YBX3: variants seen among roughly 807,000 people sequenced by gnomAD.
YBX3 encodes the protein Y-box-binding protein 3.
YBX3 carries 29 observed loss-of-function variants against 42.4 expected under a neutral mutation model. That is an observed-to-expected ratio of 0.68 (90% CI 0.51 to 0.93). YBX3 has a LOEUF of 0.93. Ranked by LOEUF, YBX3 falls within the 40% of genes least tolerant of loss-of-function variation. The pLI, the probability that YBX3 is intolerant of heterozygous loss-of-function variation, is 0.00. For missense variants in YBX3, 517 were observed against 527.5 expected, an observed-to-expected ratio of 0.98 and a Z score of 0.19; for synonymous variants, 195 against 189.8, an observed-to-expected ratio of 1.03 and a Z score of -0.22.
At chr12:10,718,175 TAAA>T in intron 2 of YBX3, 54 bp from the exon 3 acceptor site, 1 of 1,531,840 alleles carries the variant, frequency 6.5e-7, no homozygotes, top group Non-Finnish European at 8.9e-7. Context: ...TGGAAAAACT[TAAA>T]AGAACCTATG....
chr12:10,705,612 G>A (rs917529991), intron 6 of YBX3, among the ~76,000 whole-genome samples: 1 of 152,124 alleles, frequency 6.6e-6, no homozygotes, highest in Non-Finnish European at 1.5e-5. Flanking sequence ...AAGTGGTTAA[G>A]GTGGTATCTG....
rs1423232303 is a variant in YBX3, at chr12:10,702,151, A to G, written c.879-17T>C. The G allele has an allele frequency of 6.2e-7, 1 of 1,607,658 alleles. No homozygotes were observed. ...GGTCCCCTGCTGTAGGGAACACAGA[A>G]GAAAATAGAACAGGTGCCAACAGGA... On this transcript the variant is annotated splice_polypyrimidine_tract_variant and intron_variant, in intron 7 of 9. Coordinates refer to ENST00000228251, the MANE Select transcript of YBX3 (RefSeq NM_003651.5).
rs1948351959 is a variant in YBX3, at chr12:10,723,031, G to A, written c.81C>T (p.Pro27=). Residue 27 remains proline, a synonymous_variant, in exon 1 of 10, where the codon CCC becomes CCT. Transcript: ENST00000228251. ...CCGGGCTCTTGGGCGCGGGGTCCTG[G>A]GGAGCCGCGGCGGCCGCCTCCGTCG... The part of the protein sequence containing the change: ...QAPTEAAAAA[P]QDPAPKSPVG... The A allele has an allele frequency of 4.1e-6, 5 of 1,206,180 alleles. No homozygotes were observed. Among genetic ancestry groups the A allele is most frequent in the Non-Finnish European group, 5.1e-6 (5 of 973,238 alleles). The allele number at this position is 1,206,180 out of a possible 1,614,324, so 74.7% of individuals were successfully genotyped here. A position where few individuals can be genotyped will look rare whatever the true frequency, so the allele number is the denominator to read the frequency against.
At chr12:10,722,786 G>C (rs1168826467) in intron 1 of YBX3, 64 bp downstream of exon 1, 1 of 1,315,228 alleles carries the variant, frequency 7.6e-7, no homozygotes, top group East Asian at 2.9e-5. Context: ...CTGCCCACAC[G>C]TGCTCCGCGG....
intron 5 of YBX3, chr12:10,711,611 G>A (rs1326299917): frequency 1.3e-5 from 2 of 152,150 alleles, no homozygotes; most frequent in African/African-American, 4.8e-5. Flanking sequence ...AAATCTTTAA[G>A]AGTTTTACAA....
chr12:10,708,400 C>T (rs1408439451), intron 6 of YBX3, among the ~76,000 whole-genome samples: 1 of 151,884 alleles, frequency 6.6e-6, no homozygotes, highest in Non-Finnish European at 1.5e-5. Flanking sequence ...TATTTGATCT[C>T]AATAATTTTT....
At chr12:10,709,417 T>C (rs1948172915) in intron 6 of YBX3, among the ~76,000 whole-genome samples, 1 of 152,226 alleles carries the variant, frequency 6.6e-6, no homozygotes, top group Non-Finnish European at 1.5e-5. Context: ...TTAAAACCAA[T>C]ACTTTAAAAA....
intron 3 of YBX3, 134 bp downstream of exon 3, chr12:10,717,954 C>T: frequency 1.5e-6 from 1 of 651,240 alleles, no homozygotes; most frequent in Non-Finnish European, 2.4e-6. Flanking sequence ...AACTGAACTC[C>T]TGTTGCAAAA....
intron 7 of YBX3, chr12:10,703,471 G>T: frequency 3.3e-6 from 1 of 301,608 alleles, no homozygotes; most frequent in Non-Finnish European, 6.6e-6. Context: ...AATACATAGT[G>T]AGGCCTTTAC....
At chr12:10,721,511 T>C (rs1048436365) in intron 1 of YBX3, among the ~76,000 whole-genome samples, 2 of 152,134 alleles carry the variant, frequency 1.3e-5, no homozygotes, top group Admixed American at 6.5e-5. Flanking sequence ...AGAAACAACA[T>C]CACAATGTAC....
chr12:10,710,097 C>T lies in YBX3; in HGVS notation c.591G>A (p.Glu197=), dbSNP rs1948183723. The T allele has an allele frequency of 6.2e-7, 1 of 1,613,502 alleles. No homozygotes were observed. The highest frequency in any genetic ancestry group is 1.3e-5 in the African/African-American group (1 of 74,916). The stretch of plus-strand genomic sequence containing the variant: ...CTTCACTGCTGCCGCTCCCTTCCTC[C>T]TCCTCCTCCCCAGCGTACTAGCGAA... The part of the protein sequence containing the change: ...GPPRNYAGEE[E]EEGSGSSEGF... The change falls in exon 6 of 10, where the codon GAG becomes GAA. Residue 197 remains glutamate, a synonymous_variant. Transcript: ENST00000228251.
chr12:10,712,950 T>A, intron 5 of YBX3: 1 of 429,660 alleles, frequency 2.3e-6, no homozygotes, highest in Non-Finnish European at 4.1e-6. Context: ...GCTCCAGTGA[T>A]GGGTGCACCA....
chr12:10,715,824 A>G, intron 3 of YBX3, 41 bp from the exon 4 acceptor site: 4 of 1,532,958 alleles, frequency 2.6e-6, no homozygotes, highest in African/African-American at 2.7e-5. Context: ...GTATATTTCA[A>G]TATTGGCCAC....
At position 10,722,850 on chromosome 12, in the gene YBX3, C is replaced by A. The variant is rs960962402; in HGVS notation, c.262G>T (p.Ala88Ser). The A allele has an allele frequency of 6.7e-7, 1 of 1,492,018 alleles. No individual in the cohort carries two copies. The highest frequency in any genetic ancestry group is 8.9e-7 in the Non-Finnish European group (1 of 1,120,888). 92.4% of individuals were successfully genotyped at this position (1,492,018 alleles called of 1,614,324 possible). A position where few individuals can be genotyped will look rare whatever the true frequency, so the allele number is the denominator to read the frequency against. The change falls in exon 1 of 10, where the codon GCC (alanine) becomes TCC (serine). Residue 88 changes from alanine to serine, a missense_variant and splice_region_variant. Around this residue, in one of 3 missense-constraint regions of YBX3, gnomAD observed 420 missense variants for 408.5 expected, o/e 1.03. Coordinates refer to ENST00000228251, the MANE Select transcript of YBX3 (RefSeq NM_003651.5). Reference protein sequence around the residue: ...GSEDAEKKVLATKVLGTVKWF... With the variant: ...GSEDAEKKVLSTKVLGTVKWF... Reference sequence around the variant, plus strand: ...CCCTGCCCTCCCTGGCCTGACTCACCGAGAACTTTTTTCTCCGCGTCTTCG... The same window carrying A: ...CCCTGCCCTCCCTGGCCTGACTCACAGAGAACTTTTTTCTCCGCGTCTTCG...
In YBX3 at chr12:10,699,504, T is replaced by C. The variant is rs554215775; in HGVS notation, c.*185A>G. 6.5e-6 allele frequency: 1 copy of C among 152,778 alleles called. No individual in the cohort carries two copies. Among genetic ancestry groups the C allele is most frequent in the African/African-American group, 2.4e-5 (1 of 41,580 alleles). 9.5% of individuals were successfully genotyped at this position (152,778 alleles called of 1,614,324 possible). A position where few individuals can be genotyped will look rare whatever the true frequency, so the allele number is the denominator to read the frequency against. On this transcript the variant is annotated 3_prime_UTR_variant, in exon 10 of 10. Transcript: ENST00000228251. ...AAAATTTGTTGACATTTTCTTTTTG[T>C]AGTTGTTTCTTAAAGAATAACAGTA...
chr12:10,701,974 G>A lies in YBX3; in HGVS notation c.1039C>T (p.Gln347Ter). 1 of 1,612,624 alleles carries A rather than the reference G, an allele frequency of 6.2e-7. No individual in the cohort carries two copies. Among genetic ancestry groups the A allele is most frequent in the Non-Finnish European group, 8.5e-7 (1 of 1,179,452 alleles). Residue 347 changes from glutamine (Q) to a stop codon, truncating the protein, a stop_gained, in exon 8 of 10, where the codon CAA becomes TAA. Transcript: ENST00000228251. LOFTEE classifies it high-confidence loss of function. ...RRPRPPNAPS[Q>*]DGKEAKAGEA... ...GTTGGATTTACCTCTTTGCCATCTT[G>A]TGAAGGAGCGTTAGGAGGACGCGGG...
intron 1 of YBX3, among the ~76,000 whole-genome samples, chr12:10,719,869 G>T (rs1239902266): frequency 3.9e-5 from 6 of 152,146 alleles, no homozygotes; most frequent in Admixed American, 1.3e-4. Context: ...TCTACCTCAT[G>T]AGCAGGACCA....
chr12:10,719,041 G>A, intron 2 of YBX3, 39 bp downstream of exon 2: 1 of 1,581,154 alleles, frequency 6.3e-7, no homozygotes, highest in Non-Finnish European at 8.7e-7. Flanking sequence ...CACAATGTAA[G>A]TATAAACTTA....
intron 3 of YBX3, chr12:10,716,057 C>T (rs1948258573): frequency 2.4e-6 from 1 of 409,850 alleles, no homozygotes; most frequent in Admixed American, 4.0e-5. Context: ...AGTGACTACA[C>T]ACTACTGTTA....
Sources: gnomAD v4.1 joint callset for allele counts (sites outside exome capture counted in the v4.1 genomes callset) on GRCh38, gnomAD v4.1.1 for gene constraint, gnomAD v4.1.1 regional missense constraint, MANE v1.5 for transcripts, NCBI Gene and HGNC (gene_info 2026-07-23, HGNC 2026-07-21) for gene names.